The following AXDND1 variants were observed in gnomAD, a reference collection of about 807,000 sequenced individuals.
The protein encoded by AXDND1 is axonemal dynein light chain domain containing 1.
A neutral mutation model predicts 137.5 loss-of-function variants in AXDND1; 110 were observed. The ratio of observed to expected loss-of-function variants is 0.80; its 90% CI spans 0.69 to 0.94. The LOEUF (loss-of-function observed/expected upper bound fraction) is 0.94, where lower values mean the gene tolerates loss of function less well. AXDND1 is among the 40% of genes least tolerant of loss of function. AXDND1 has a pLI of 0.00. For missense variants in AXDND1, 1,191 were observed against 1,169.8 expected, an observed-to-expected ratio of 1.02 and a Z score of -0.26; for synonymous variants, 414 against 399.7, an observed-to-expected ratio of 1.04 and a Z score of -0.43.
intron 16 of AXDND1, chr1:179,454,616 C>G (rs149685118): frequency 2.6e-5 from 4 of 152,200 alleles, no homozygotes; most frequent in African/African-American, 9.6e-5. Context: ...TGGCTGTGTT[C>G]CTGATTGGAC....
chr1:179,380,966 T>C (rs771357995), intron 6 of AXDND1, among the ~76,000 whole-genome samples: 1 of 151,748 alleles, frequency 6.6e-6, no homozygotes, highest in Non-Finnish European at 1.5e-5. Context: ...AATAATCAAA[T>C]ACTTCTACCA....
At chr1:179,536,166 G>A (rs1444332896) in intron 25 of AXDND1, among the ~76,000 whole-genome samples, 1 of 152,118 alleles carries the variant, frequency 6.6e-6, no homozygotes, top group Non-Finnish European at 1.5e-5. Flanking sequence ...CTCCCAATCT[G>A]TTTAGTCTGC....
intron 25 of AXDND1, among the ~76,000 whole-genome samples, chr1:179,537,152 T>G (rs1671632606): frequency 6.6e-6 from 1 of 152,250 alleles, no homozygotes; most frequent in African/African-American, 2.4e-5. Flanking sequence ...TCATGTCATC[T>G]GCAAACAGAG....
chr1:179,443,680 C>T (rs1320192982), intron 15 of AXDND1, among the ~76,000 whole-genome samples: 1 of 152,130 alleles, frequency 6.6e-6, no homozygotes, highest in African/African-American at 2.4e-5. Flanking sequence ...TAGCTTATTT[C>T]CCTCAGCATA....
At chr1:179,550,248 A>G (rs191769247) in intron 25 of AXDND1, among the ~76,000 whole-genome samples, 1 of 152,332 alleles carries the variant, frequency 6.6e-6, no homozygotes, top group African/African-American at 2.4e-5. Context: ...TTTTCTGCAG[A>G]TATGCATTTC....
intron 16 of AXDND1, chr1:179,447,931 A>T: frequency 7.2e-7 from 1 of 1,380,784 alleles, no homozygotes; most frequent in Non-Finnish European, 1.0e-6. Flanking sequence ...GAGCGTGTTT[A>T]AATCTGTTAA....
intron 25 of AXDND1, among the ~76,000 whole-genome samples, chr1:179,541,981 T>A (rs1672213944): frequency 6.6e-6 from 1 of 152,186 alleles, no homozygotes; most frequent in Non-Finnish European, 1.5e-5. Context: ...TATGACATCA[T>A]TTTTTAAAGG....
Position 179,525,325 on chromosome 1 carries a change from A to T in AXDND1, c.2497-9A>T, listed in dbSNP as rs372698763. ...CACCCTTTAATCATAATATTGGTTC[A>T]TCTCACAGGAGGCTGTAAAAGAATT... is the stretch of plus-strand genomic sequence containing the variant. On this transcript the variant is annotated splice_polypyrimidine_tract_variant and intron_variant, in intron 21 of 25. Transcript: ENST00000367618. The T allele has an allele frequency of 1.4e-5, 23 of 1,602,042 alleles. No individual in the cohort carries two copies. The highest frequency in any genetic ancestry group is 2.7e-5 in the African/African-American group (2 of 74,140).
At chr1:179,374,615 C>A (rs1413632493) in intron 4 of AXDND1, among the ~76,000 whole-genome samples, 1 of 152,092 alleles carries the variant, frequency 6.6e-6, no homozygotes, top group African/African-American at 2.4e-5. Flanking sequence ...GAAAATGTGG[C>A]ACATATAAAC....
intron 12 of AXDND1, among the ~76,000 whole-genome samples, chr1:179,426,086 C>T (rs1014222917): frequency 2.6e-5 from 4 of 152,102 alleles, no homozygotes; most frequent in South Asian, 2.1e-4. Context: ...CTGCCTGCCT[C>T]GACCTCCCAA....
At position 179,479,587 on chromosome 1, in the gene AXDND1, C is replaced by A. The variant is rs766231890; in HGVS notation, c.1998-3541C>A. On this transcript the variant is annotated intron_variant, in intron 17 of 25. Coordinates refer to ENST00000367618, the MANE Select transcript of AXDND1 (RefSeq NM_144696.6). ...GGTCAGGAGATTGAGACCATCCTCT[C>A]TAACATGGTGAAACCCTGTCTCCAC... Among the ~76,000 whole-genome samples the A allele has an allele frequency of 6.6e-4, 99 of 150,690 alleles. 1 individual carries two copies. Among genetic ancestry groups the A allele is most frequent in the Non-Finnish European group, 1.6e-4 (11 of 67,834 alleles).
chr1:179,482,108 T>G (rs1198439555), intron 17 of AXDND1, among the ~76,000 whole-genome samples: 1 of 46,892 alleles, frequency 2.1e-5, no homozygotes, highest in Non-Finnish European at 5.6e-5. Context: ...ATTTTTTTTT[T>G]TTTTTTTTTT....
intron 16 of AXDND1, chr1:179,447,597 T>C: frequency 9.0e-7 from 1 of 1,111,442 alleles, no homozygotes; most frequent in Non-Finnish European, 1.3e-6. Flanking sequence ...TTCAACTTAC[T>C]AGTGGAGGTG....
At chr1:179,466,122 C>G (rs2125466955) in intron 16 of AXDND1, among the ~76,000 whole-genome samples, 1 of 152,270 alleles carries the variant, frequency 6.6e-6, no homozygotes, top group East Asian at 1.9e-4. Context: ...GGGCTGCACC[C>G]ACTGTCAGAC....
At chr1:179,412,257 A>C (rs1030862186) in intron 12 of AXDND1, among the ~76,000 whole-genome samples, 8 of 152,328 alleles carry the variant, frequency 5.3e-5, no homozygotes, top group Middle Eastern at 3.4e-3. Flanking sequence ...AAAGTCACAC[A>C]ATATTCTATA....
intron 4 of AXDND1, among the ~76,000 whole-genome samples, chr1:179,372,766 C>T (rs1668170070): frequency 6.6e-6 from 1 of 152,074 alleles, no homozygotes; most frequent in South Asian, 2.1e-4. Context: ...TCACCACAAC[C>T]TCTGCCTCCC....
At chr1:179,553,891 A>G (rs1373644638) in intron 25 of AXDND1, among the ~76,000 whole-genome samples, 2 of 147,722 alleles carry the variant, frequency 1.4e-5, no homozygotes, top group African/African-American at 5.0e-5. Context: ...GATTACAGGC[A>G]TTTGCCAACA....
intron 17 of AXDND1, among the ~76,000 whole-genome samples, chr1:179,480,749 T>G (rs781005987): frequency 2.0e-5 from 3 of 151,948 alleles, no homozygotes; most frequent in Non-Finnish European, 4.4e-5. Context: ...GTATTAAGAC[T>G]CTGATCTTGC....
At chr1:179,448,590 C>T (rs1571876657) in intron 16 of AXDND1, 3 of 291,740 alleles carry the variant, frequency 1.0e-5, no homozygotes, top group Non-Finnish European at 2.0e-5. Context: ...TTGTGTGTGT[C>T]TCCTGGGCAC....
Sources: gnomAD v4.1 joint callset for allele counts (sites outside exome capture counted in the v4.1 genomes callset) on GRCh38, gnomAD v4.1.1 for gene constraint, MANE v1.5 for transcripts, NCBI Gene and HGNC (gene_info 2026-07-23, HGNC 2026-07-21) for gene names.